The following NDRG2 variants were observed in gnomAD, a reference collection of about 807,000 sequenced individuals.
The protein encoded by NDRG2 is NDRG family member 2, also known as protein NDRG2.
NDRG2 carries 34 observed loss-of-function variants against 58.2 expected under a neutral mutation model. The ratio of observed to expected loss-of-function variants is 0.58; its 90% confidence interval spans 0.44 to 0.78. NDRG2 has a LOEUF of 0.78. NDRG2 is among the 30% of genes least tolerant of loss of function. The pLI, the probability that NDRG2 is intolerant of heterozygous loss-of-function variation, is 0.00. For missense variants in NDRG2, 434 were observed against 471.2 expected, an observed-to-expected ratio of 0.92 and a Z score of 0.73; for synonymous variants, 187 against 175.9, an observed-to-expected ratio of 1.06 and a Z score of -0.50.
upstream of NDRG2, chr14:21,025,773 G>C: frequency 1.3e-6 from 1 of 797,670 alleles, no homozygotes; most frequent in Non-Finnish European, 1.5e-6. This position sits in a 1 kb window ranked among gnomAD's most constrained non-coding sequence, Gnocchi z 5.1. Context: ...AATGCGGGGG[G>C]CCGCTATAAA....
At chr14:21,037,679 G>A (rs1884709951) in intron 1 of NDRG2, among the ~76,000 whole-genome samples, 1 of 152,148 alleles carries the variant, frequency 6.6e-6, no homozygotes, top group African/African-American at 2.4e-5. Context: ...CTTAACCAAA[G>A]CAGACTTACT....
rs187331177 is a variant in NDRG2 at position 21,032,787 on chromosome 14, G to A, written c.25-9466C>T. 1.4e-3 allele frequency: 540 copies of A among 372,896 alleles called. 3 individuals are homozygous for A. The highest frequency in any genetic ancestry group is 0.011 in the African/African-American group (513 of 47,056). The allele number at this position is 372,896 out of a possible 1,614,324, so 23.1% of individuals were successfully genotyped here. ...AGAGCAGGAGTTCTGGTGCACTGAA[G>A]AAAAAGCAATTAAATCACAACAGAG... On this transcript the variant is annotated intron_variant, in intron 1 of 14. Coordinates refer to the NDRG2 transcript ENST00000403829.
intron 1 of NDRG2, among the ~76,000 whole-genome samples, chr14:21,046,689 C>T (rs1885180029): frequency 6.6e-6 from 1 of 152,002 alleles, no homozygotes; most frequent in African/African-American, 2.4e-5. Context: ...TTTGACTCCC[C>T]CAAAACTTAA....
chr14:21,066,903 C>T lies in NDRG2; in HGVS notation c.24+3925G>A, dbSNP rs77484820. On this transcript the variant is annotated intron_variant, in intron 1 of 14. Coordinates refer to the NDRG2 transcript ENST00000403829. Reference sequence around the variant, plus strand: ...TTACATATCACACAGATTTTTTACCCTAAAATAACTGGGATATTGATCCCC... The same window carrying T: ...TTACATATCACACAGATTTTTTACCTTAAAATAACTGGGATATTGATCCCC... Among the ~76,000 whole-genome samples the T allele has an allele frequency of 1.9e-4, 29 of 152,262 alleles. No homozygotes were observed. In the East Asian group the frequency reaches 5.6e-3, roughly 29 times the overall value.
At chr14:21,025,500 TCC>T (rs1207244464), upstream of NDRG2, 1 of 984,778 alleles carries the variant, frequency 1.0e-6, no homozygotes, top group Non-Finnish European at 1.2e-6. The surrounding 1 kb of genome is among the most constrained non-coding windows in gnomAD (Gnocchi z 5.1). Flanking sequence ...CGAGTTCGAC[TCC>T]CCCCGCCCGA....
chr14:21,039,209 C>G (rs1884781654), intron 1 of NDRG2, among the ~76,000 whole-genome samples: 1 of 152,166 alleles, frequency 6.6e-6, no homozygotes, highest in Admixed American at 6.5e-5. Flanking sequence ...GAAGCAGCAG[C>G]TGTTGTCCTG....
intron 1 of NDRG2, chr14:21,032,303 G>A (rs935155747): frequency 7.9e-6 from 5 of 635,230 alleles, no homozygotes; most frequent in African/African-American, 1.8e-5. Context: ...CCATCAGTTA[G>A]CATTCCTCCT....
Position 21,030,919 on chromosome 14 carries a change from A to C in NDRG2, c.25-7598T>G, listed in dbSNP as rs545611679. On this transcript the variant is annotated intron_variant, in intron 1 of 14. Coordinates refer to the NDRG2 transcript ENST00000403829. ...CGAGACACTCACTGATTGATAGGAC[A>C]AAAGAGGCCAAATCTGAGTGAGGCA... The C allele has an allele frequency of 6.5e-6, 10 of 1,538,040 alleles. No individual in the cohort carries two copies. The South Asian group carries it at 1.3e-4, about 20-fold the overall frequency.
chr14:21,058,383 CACT>C, intron 1 of NDRG2: 2 of 1,497,900 alleles, frequency 1.3e-6, no homozygotes, highest in Non-Finnish European at 1.8e-6. Flanking sequence ...TTCCACCTCA[CACT>C]CTGCAGACTG....
chr14:21,065,705 C>T (rs1003859745), intron 1 of NDRG2, among the ~76,000 whole-genome samples: 2 of 152,062 alleles, frequency 1.3e-5, no homozygotes, highest in African/African-American at 4.8e-5. Flanking sequence ...CAGCCAGTCA[C>T]TAGAATCGTG....
chr14:21,020,679 C>T, intron 7 of NDRG2, 97 bp from the exon 8 acceptor site: 1 of 1,576,626 alleles, frequency 6.3e-7, no homozygotes, highest in Non-Finnish European at 8.7e-7. Flanking sequence ...CAGGGCCTGA[C>T]TCCCCACCTA....
intron 1 of NDRG2, among the ~76,000 whole-genome samples, chr14:21,053,552 A>G (rs899132121): frequency 6.6e-6 from 1 of 152,066 alleles, no homozygotes; most frequent in Non-Finnish European, 1.5e-5. Flanking sequence ...GCTTGAACCC[A>G]GGAGGCAGAG....
chr14:21,041,907 C>T (rs767203743), intron 1 of NDRG2, among the ~76,000 whole-genome samples: 6 of 152,156 alleles, frequency 3.9e-5, no homozygotes, highest in South Asian at 2.1e-4. Context: ...CGAAAGATAA[C>T]CAGTATCTCC....
At chr14:21,028,818 G>C (rs1213197021), upstream of NDRG2, 1 of 152,104 alleles carries the variant, frequency 6.6e-6, no homozygotes, top group Non-Finnish European at 1.5e-5. Flanking sequence ...CTTGAATAAG[G>C]GTGGAAGCAA....
upstream of NDRG2, chr14:21,025,664 A>G: frequency 1.0e-6 from 1 of 984,484 alleles, no homozygotes; most frequent in Non-Finnish European, 1.2e-6. This position sits in a 1 kb window ranked among gnomAD's most constrained non-coding sequence, Gnocchi z 5.1. Flanking sequence ...CCTCGTGCCC[A>G]GAGTCCTGGT....
chr14:21,031,369 A>C, intron 1 of NDRG2: 1 of 578,872 alleles, frequency 1.7e-6, no homozygotes, highest in Non-Finnish European at 2.8e-6. Flanking sequence ...TTTTAATAGT[A>C]GATTTAGACT....
intron 1 of NDRG2, chr14:21,036,399 A>G (rs1884631612): frequency 2.7e-6 from 1 of 376,518 alleles, no homozygotes; most frequent in East Asian, 7.3e-5. Flanking sequence ...TGGGCCGCAC[A>G]TAAAATACAC....
chr14:21,069,609 T>C (rs545169778), intron 1 of NDRG2, among the ~76,000 whole-genome samples: 1 of 152,348 alleles, frequency 6.6e-6, no homozygotes, highest in Admixed American at 6.5e-5. Flanking sequence ...AAGCCTTCGC[T>C]GCTCCCTAAC....
At position 21,024,484 on chromosome 14, in the gene NDRG2, C is replaced by A; in HGVS notation, c.-461G>T. ...GACTAAACGCGGGGGAATAGGGGAT[C>A]CCCAAAATTTTTGACAGCTCTCCAG... On this transcript the variant is annotated 5_prime_UTR_variant, in exon 1 of 16. Coordinates refer to ENST00000556147, the MANE Select transcript of NDRG2 (RefSeq NM_001320329.2). 1.0e-6 allele frequency: 1 copy of A among 980,596 alleles called. No individual in the cohort carries two copies. Among genetic ancestry groups the A allele is most frequent in the Non-Finnish European group, 1.2e-6 (1 of 825,602 alleles). 60.7% of individuals were successfully genotyped at this position (980,596 alleles called of 1,614,324 possible).
Sources: allele counts gnomAD v4.1 joint callset (sites outside exome capture counted in the v4.1 genomes callset), GRCh38; gene constraint gnomAD v4.1.1; non-coding constraint Gnocchi (gnomAD v3.1); transcripts MANE v1.5; gene names NCBI Gene and HGNC (gene_info 2026-07-23, HGNC 2026-07-21).